Variants in HIBCH observed in about 807,000 individuals in gnomAD.
HIBCH encodes 3-hydroxyisobutyryl-CoA hydrolase, also known as 3-hydroxyisobutyryl-CoA hydrolase, mitochondrial.
Under a neutral mutation model 58.2 loss-of-function variants are expected in HIBCH, and 50 were observed. The ratio of observed to expected loss-of-function variants is 0.86; its 90% CI spans 0.68 to 1.09. HIBCH has a LOEUF of 1.09. HIBCH is among the 50% of genes least tolerant of loss of function. The pLI is 0.00. For synonymous variants in HIBCH, 151 were observed against 146.9 expected (o/e 1.03, Z -0.20); for missense variants, 450 against 449.7 (o/e 1.00, Z -0.01).
At chr2:190,318,929 A>G (rs952261833) in intron 1 of HIBCH, among the ~76,000 whole-genome samples, 3 of 152,208 alleles carry the variant, frequency 2.0e-5, no homozygotes, top group Non-Finnish European at 2.9e-5. Context: ...ATTCTTCTTA[A>G]GTCAAGGAAA....
chr2:190,195,907 TTA>T (rs1351634961), intron 1 of HIBCH, among the ~76,000 whole-genome samples: 2 of 150,984 alleles, frequency 1.3e-5, no homozygotes, highest in African/African-American at 4.9e-5. Flanking sequence ...CCATTTCAAA[TTA>T]ATTTTGTGAA....
At chr2:190,195,018 C>CTAATTTTTTTCATATT (rs1400269322) in intron 1 of HIBCH, among the ~76,000 whole-genome samples, 2 of 152,186 alleles carry the variant, frequency 1.3e-5, no homozygotes, top group African/African-American at 4.8e-5. Flanking sequence ...CCATGCCTGG[C>CTAATTTTTTTCATATT]TAATTTTTTT....
At chr2:190,192,996 A>G (rs1208343941) in intron 1 of HIBCH, among the ~76,000 whole-genome samples, 1 of 151,970 alleles carries the variant, frequency 6.6e-6, no homozygotes, top group African/African-American at 2.4e-5. Flanking sequence ...TATGCTTTGT[A>G]TGTCTTCCCT....
chr2:190,314,709 C>G (rs1295904748), intron 1 of HIBCH, among the ~76,000 whole-genome samples: 2 of 152,128 alleles, frequency 1.3e-5, no homozygotes, highest in Admixed American at 1.3e-4. Flanking sequence ...GAACTCCCAA[C>G]CTCAGGTGAT....
intron 6 of HIBCH, among the ~76,000 whole-genome samples, chr2:190,267,368 T>G (rs1446893617): frequency 6.6e-6 from 1 of 152,142 alleles, no homozygotes; most frequent in Non-Finnish European, 1.5e-5. Context: ...TGCTAATTTT[T>G]GTATTTTTAG....
chr2:190,205,364 T>C (rs1690365923), intron 13 of HIBCH, 132 bp from the exon 14 acceptor site: 2 of 628,620 alleles, frequency 3.2e-6, no homozygotes, highest in Non-Finnish European at 5.6e-6. Context: ...AAAATTTTTA[T>C]ATGTATTCTA....
intron 1 of HIBCH, among the ~76,000 whole-genome samples, chr2:190,318,571 C>T (rs1255370357): frequency 6.6e-6 from 1 of 152,152 alleles, no homozygotes; most frequent in African/African-American, 2.4e-5. Context: ...ATGGTCCTGG[C>T]CTCACCTACA....
At chr2:190,224,152 C>A (rs1559018686) in intron 11 of HIBCH, among the ~76,000 whole-genome samples, 1 of 152,230 alleles carries the variant, frequency 6.6e-6, no homozygotes, top group Non-Finnish European at 1.5e-5. Context: ...GAGCCTCACT[C>A]ACTGCTAGCA....
At chr2:190,198,287 C>T (rs1690070863) in intron 1 of HIBCH, among the ~76,000 whole-genome samples, 1 of 152,140 alleles carries the variant, frequency 6.6e-6, no homozygotes, top group East Asian at 1.9e-4. Flanking sequence ...CTCCTCTGGA[C>T]ATCCTTAATT....
intron 4 of HIBCH, among the ~76,000 whole-genome samples, chr2:190,293,601 T>C (rs143499196): frequency 1.9e-3 from 286 of 152,304 alleles, no homozygotes; most frequent in African/African-American, 6.4e-3. Flanking sequence ...TAATAAGTAT[T>C]TGAAATTATG....
rs111505188 is a variant in HIBCH at position 190,204,925 on chromosome 2, G to A, written c.*192C>T. Reference sequence around the variant, plus strand: ...GATGAGTATAGCTAGTTCCAATAAAGCTTTATTTGTGAATTCTGATAATTT... The same window carrying A: ...GATGAGTATAGCTAGTTCCAATAAAACTTTATTTGTGAATTCTGATAATTT... On this transcript the variant is annotated 3_prime_UTR_variant, in exon 14 of 14. Coordinates refer to ENST00000359678, the MANE Select transcript of HIBCH (RefSeq NM_014362.4). 8.4e-6 allele frequency: 5 copies of A among 592,970 alleles called. No individual in the cohort carries two copies. The highest frequency in any genetic ancestry group is 7.5e-5 in the African/African-American group (4 of 53,592). 36.7% of individuals were successfully genotyped at this position (592,970 alleles called of 1,614,324 possible). A position where few individuals can be genotyped will look rare whatever the true frequency, so the allele number is the denominator to read the frequency against.
At chr2:190,191,093 C>T (rs78520442) in intron 1 of HIBCH, among the ~76,000 whole-genome samples, 17,682 of 152,126 alleles carry the variant, frequency 0.12, 1,161 homozygotes, top group East Asian at 0.24. Flanking sequence ...TCTTTGTTGT[C>T]AACTTTTGGC....
At chr2:190,308,031 T>TTCTCTC (rs1020870693) in intron 2 of HIBCH, among the ~76,000 whole-genome samples, 1 of 152,172 alleles carries the variant, frequency 6.6e-6, no homozygotes, top group Non-Finnish European at 1.5e-5. Context: ...CTCTTTCTCT[T>TTCTCTC]TCTCTCTCTC....
chr2:190,291,444 G>C (rs1687955285), intron 4 of HIBCH, among the ~76,000 whole-genome samples: 1 of 152,050 alleles, frequency 6.6e-6, no homozygotes, highest in Non-Finnish European at 1.5e-5. Context: ...GAATTTCCTA[G>C]AAAATGACAG....
At position 190,213,061 on chromosome 2, in the gene HIBCH, C is replaced by T. The variant is rs1307935524; in HGVS notation, c.906G>A (p.Met302Ile). Residue 302 changes from methionine (M) to isoleucine (I), a missense_variant, in exon 12 of 14, where the codon ATG becomes ATA. Transcript: ENST00000359678. ...GTGTGATCTTTAGAGATGTTGGAGACATTTTATTAATTACCTTTTGGAGGA... is the reference window on the plus strand; with the variant it reads ...GTGTGATCTTTAGAGATGTTGGAGATATTTTATTAATTACCTTTTGGAGGA... Reference protein sequence around the residue: ...ALEQLKVINKMSPTSLKITLR... With the variant: ...ALEQLKVINKISPTSLKITLR... The T allele has an allele frequency of 1.9e-6, 3 of 1,607,584 alleles. No individual in the cohort carries two copies. The highest frequency in any genetic ancestry group is 1.7e-5 in the Admixed American group (1 of 59,994).
chr2:190,280,525 C>T (rs1687678130), intron 6 of HIBCH, among the ~76,000 whole-genome samples: 1 of 152,180 alleles, frequency 6.6e-6, no homozygotes, highest in South Asian at 2.1e-4. Flanking sequence ...AGCCGCTTCC[C>T]ATTAAGATCT....
chr2:190,252,229 C>A lies in HIBCH; in HGVS notation c.596G>T (p.Gly199Val). 6.2e-7 allele frequency: 1 copy of A among 1,613,544 alleles called. No individual in the cohort carries two copies. Among genetic ancestry groups the A allele is most frequent in the Non-Finnish European group, 8.5e-7 (1 of 1,179,504 alleles). ...GKLGYFLALT[G>V]FRLKGRDVYR... ...CACATCTCTTCCTTTTAGTCTGAAT[C>A]CTGTTAATGCAAGGAAGTAACCAAG... Residue 199 changes from glycine to valine, a missense_variant, in exon 8 of 14, where the codon GGA becomes GTA. Coordinates refer to ENST00000359678, the MANE Select transcript of HIBCH (RefSeq NM_014362.4).
intron 1 of HIBCH, among the ~76,000 whole-genome samples, chr2:190,192,824 G>A (rs1164941883): frequency 6.6e-6 from 1 of 152,066 alleles, no homozygotes; most frequent in Non-Finnish European, 1.5e-5. Context: ...CTTCTGCTAA[G>A]TTTGTAGAAA....
intron 6 of HIBCH, among the ~76,000 whole-genome samples, chr2:190,282,533 T>A (rs969633985): frequency 1.3e-5 from 2 of 152,142 alleles, no homozygotes; most frequent in African/African-American, 4.8e-5. Flanking sequence ...AAGATACTAA[T>A]CCATCTTAAC....
Sources: gnomAD v4.1 joint callset for allele counts (sites outside exome capture counted in the v4.1 genomes callset) on GRCh38, gnomAD v4.1.1 for gene constraint, MANE v1.5 for transcripts, NCBI Gene and HGNC (gene_info 2026-07-23, HGNC 2026-07-21) for gene names.